ADAM22: variants seen among roughly 807,000 people sequenced by gnomAD.
ADAM22 encodes ADAM metallopeptidase domain 22, also known as disintegrin and metalloproteinase domain-containing protein 22.
Under a neutral mutation model 144.6 loss-of-function variants are expected in ADAM22, and 65 were observed. The observed-to-expected ratio is 0.45, with a 90% CI of 0.37 to 0.55. ADAM22 has a LOEUF of 0.55. ADAM22 is among the 20% of genes least tolerant of loss of function. The pLI is 0.00. For synonymous variants in ADAM22, 391 were observed against 412.6 expected, an observed-to-expected ratio of 0.95 and a Z score of 0.63; for missense variants, 974 against 1,184.9, an observed-to-expected ratio of 0.82 and a Z score of 2.61.
chr7:88,085,788 C>G (rs1818288510), intron 4 of ADAM22, among the ~76,000 whole-genome samples: 1 of 152,166 alleles, frequency 6.6e-6, no homozygotes, highest in African/African-American at 2.4e-5. Flanking sequence ...TAAACACTAT[C>G]CTGACTTTTA....
chr7:88,056,859 C>T (rs1226591388), intron 3 of ADAM22, among the ~76,000 whole-genome samples: 1 of 152,124 alleles, frequency 6.6e-6, no homozygotes, highest in East Asian at 1.9e-4. Flanking sequence ...TAGAAACTAA[C>T]TCAAGTTAGG....
rs777175350 is a variant in ADAM22 at position 88,202,749 on chromosome 7, C to A, written c.*6258C>A. ...ACAAAATCTTGATGTTTTTAAAGGT[C>A]ACTGTAACTTAAGGTTCAAATTTCT... On this transcript the variant is annotated 3_prime_UTR_variant, in exon 32 of 32. Coordinates refer to ENST00000413139, the MANE Select transcript of ADAM22 (RefSeq NM_001324418.2). 1 of 152,176 alleles carries A rather than the reference C, an allele frequency of 6.6e-6. No individual in the cohort carries two copies. The highest frequency in any genetic ancestry group is 1.5e-5 in the Non-Finnish European group (1 of 68,028). 9.4% of individuals were successfully genotyped at this position (152,176 alleles called of 1,614,324 possible).
intron 4 of ADAM22, among the ~76,000 whole-genome samples, chr7:88,098,104 G>A (rs943478968): frequency 5.9e-5 from 9 of 152,070 alleles, no homozygotes; most frequent in Admixed American, 2.6e-4. Flanking sequence ...ATGATTACTT[G>A]ACAGCTGCAT....
intron 3 of ADAM22, among the ~76,000 whole-genome samples, chr7:88,009,305 T>G (rs1401237849): frequency 6.6e-6 from 1 of 152,232 alleles, no homozygotes; most frequent in Non-Finnish European, 1.5e-5. Context: ...TCTGGTATGC[T>G]CGTATGATTA....
chr7:88,166,094 CTGAT>C, intron 24 of ADAM22, 148 bp downstream of exon 24: 4 of 537,268 alleles, frequency 7.4e-6, no homozygotes, highest in Non-Finnish European at 1.3e-5. Context: ...TTTTATGAAA[CTGAT>C]TATGTCCATT....
At chr7:87,952,461 T>C (rs571850577) in intron 2 of ADAM22, among the ~76,000 whole-genome samples, 29 of 152,300 alleles carry the variant, frequency 1.9e-4, no homozygotes, top group African/African-American at 6.5e-4. Context: ...TTTGCATATA[T>C]TGAACCAGCC....
intron 3 of ADAM22, among the ~76,000 whole-genome samples, chr7:88,021,240 T>C (rs896350133): frequency 6.6e-6 from 1 of 152,174 alleles, no homozygotes; most frequent in Non-Finnish European, 1.5e-5. Flanking sequence ...TGTGAGGCTC[T>C]TTCCTACCTT....
At chr7:88,117,736 C>A (rs1201981626) in intron 7 of ADAM22, among the ~76,000 whole-genome samples, 1 of 150,708 alleles carries the variant, frequency 6.6e-6, no homozygotes, top group Admixed American at 6.6e-5. Context: ...CTCTATCGCC[C>A]AGGCTGGAAT....
chr7:88,062,492 T>G (rs2129477021), intron 3 of ADAM22, among the ~76,000 whole-genome samples: 1 of 152,342 alleles, frequency 6.6e-6, no homozygotes, highest in East Asian at 1.9e-4. Flanking sequence ...GGTTTTGGCT[T>G]AAGGGAATAT....
Position 88,171,534 on chromosome 7 carries a change from C to G in ADAM22, c.2283-10C>G. 1 of 1,589,168 alleles carries G rather than the reference C, an allele frequency of 6.3e-7. No individual in the cohort carries two copies. The highest frequency in any genetic ancestry group is 2.3e-5 in the East Asian group (1 of 42,686). On this transcript the variant is annotated splice_polypyrimidine_tract_variant and intron_variant, in intron 25 of 31. Transcript: ENST00000413139. ...TGTTTTTCCCTCTTTCTCTTCTTGT[C>G]CATGAAAAGAAACTATCGAGAACAG...
At chr7:87,999,294 A>G (rs1791973701) in intron 3 of ADAM22, among the ~76,000 whole-genome samples, 1 of 152,218 alleles carries the variant, frequency 6.6e-6, no homozygotes, top group African/African-American at 2.4e-5. Flanking sequence ...ATGAAACAGT[A>G]TACTATTCAC....
intron 18 of ADAM22, among the ~76,000 whole-genome samples, 191 bp downstream of exon 18, chr7:88,149,248 C>T (rs371816977): frequency 6.6e-5 from 10 of 152,146 alleles, no homozygotes; most frequent in Non-Finnish European, 4.4e-5. Flanking sequence ...TTTGTCTTAA[C>T]GTTGAACTAA....
intron 2 of ADAM22, among the ~76,000 whole-genome samples, chr7:87,941,977 C>T (rs1842561833): frequency 2.0e-5 from 3 of 152,106 alleles, no homozygotes; most frequent in Admixed American, 2.0e-4. Flanking sequence ...GAGAGGCCTG[C>T]TTTTTTCTCA....
chr7:88,016,743 G>A (rs1294480699), intron 3 of ADAM22, among the ~76,000 whole-genome samples: 1 of 152,144 alleles, frequency 6.6e-6, no homozygotes, highest in East Asian at 1.9e-4. Flanking sequence ...GCTCATAAAA[G>A]TAGAGAGGAT....
At chr7:87,982,339 C>T (rs960416170) in intron 3 of ADAM22, among the ~76,000 whole-genome samples, 2 of 151,586 alleles carry the variant, frequency 1.3e-5, no homozygotes, top group African/African-American at 2.4e-5. Context: ...ATTGGTTGTC[C>T]GGGACAGGCC....
In ADAM22 at chr7:87,978,426, T is replaced by TG; in HGVS notation, c.323+15dup. The TG allele has an allele frequency of 6.2e-7, 1 of 1,608,656 alleles. No homozygotes were observed. The highest frequency in any genetic ancestry group is 8.5e-7 in the Non-Finnish European group (1 of 1,177,060). On this transcript the variant is annotated intron_variant, in intron 3 of 31. Transcript: ENST00000413139. ...CGTGCTAAATCAGTAAGTGTTGAGT[T>TG]GCACTTGCTTTTGTCAGATACACAT...
At chr7:87,967,528 A>G (rs552406241) in intron 2 of ADAM22, among the ~76,000 whole-genome samples, 2 of 152,112 alleles carry the variant, frequency 1.3e-5, no homozygotes, top group South Asian at 2.1e-4. Flanking sequence ...AAAACAGTAT[A>G]GGCTGGGCAT....
chr7:88,065,704 T>G (rs1054789375), intron 3 of ADAM22, among the ~76,000 whole-genome samples: 1 of 152,160 alleles, frequency 6.6e-6, no homozygotes, highest in Non-Finnish European at 1.5e-5. Context: ...TTGTAAATTT[T>G]GGGATCTTAT....
chr7:88,100,795 G>A (rs1312055611), intron 4 of ADAM22, among the ~76,000 whole-genome samples: 1 of 152,090 alleles, frequency 6.6e-6, no homozygotes, highest in South Asian at 2.1e-4. Flanking sequence ...GATTACAGGT[G>A]TAAGCCACCA....
Sources: gnomAD v4.1 joint callset for allele counts (sites outside exome capture counted in the v4.1 genomes callset) on GRCh38, gnomAD v4.1.1 for gene constraint, MANE v1.5 for transcripts, NCBI Gene and HGNC (gene_info 2026-07-23, HGNC 2026-07-21) for gene names.